Variants in SLC39A10 observed in about 807,000 individuals in gnomAD.
SLC39A10 encodes zinc transporter ZIP10.
SLC39A10 carries 13 observed loss-of-function variants against 65.1 expected under a neutral mutation model. The observed-to-expected ratio is 0.20, with a 90% confidence interval of 0.13 to 0.32. The LOEUF (loss-of-function observed/expected upper bound fraction) is 0.32, where lower values mean the gene tolerates loss of function less well. Among genes scored for constraint, SLC39A10 ranks in the 10% least tolerant of loss-of-function variants. The probability of loss-of-function intolerance (pLI) is 1.00; values close to 1 mark genes in which losing one functional copy is unlikely to be tolerated. For missense variants in SLC39A10, 831 were observed against 1,018.4 expected (o/e 0.82, Z 2.50); for synonymous variants, 321 against 342.2 (o/e 0.94, Z 0.68).
intron 1 of SLC39A10, among the ~76,000 whole-genome samples, chr2:195,677,576 T>C (rs1486097325): frequency 6.6e-6 from 1 of 152,144 alleles, no homozygotes; most frequent in African/African-American, 2.4e-5. Flanking sequence ...GTTTTATTCC[T>C]TTTTACCTTT....
chr2:195,618,649 A>T (rs1039497611), intron 2 of SLC39A10, among the ~76,000 whole-genome samples: 1 of 152,224 alleles, frequency 6.6e-6, no homozygotes, highest in African/African-American at 2.4e-5. Context: ...CACATTTGCT[A>T]TCCTGGTGTA....
chr2:195,695,523 CA>C (rs1690916847), intron 3 of SLC39A10, among the ~76,000 whole-genome samples: 1 of 152,198 alleles, frequency 6.6e-6, no homozygotes, highest in Non-Finnish European at 1.5e-5. Flanking sequence ...TGCCCGAGAT[CA>C]CCAGCCTCCC....
rs200542769 is a variant in SLC39A10, at chr2:195,640,354, A to C, written c.-12+34121A>C. On this transcript the variant is annotated intron_variant, in intron 2 of 2. Transcript: ENST00000458054. Reference sequence around the variant, plus strand: ...AAGCATTAAAAGAAAAAAAAAAAAAAAACCTTAAAAATCCCAGAGTGATCA... The same window carrying C: ...AAGCATTAAAAGAAAAAAAAAAAAACAACCTTAAAAATCCCAGAGTGATCA... Among the ~76,000 whole-genome samples, 148 of 151,640 alleles carry C rather than the reference A, an allele frequency of 9.8e-4. 3 individuals are homozygous for C. In the East Asian group the frequency reaches 0.024, roughly 25 times the overall value.
chr2:195,670,474 C>T (rs1274320149), intron 1 of SLC39A10: 2 of 152,164 alleles, frequency 1.3e-5, no homozygotes, highest in African/African-American at 2.4e-5. Flanking sequence ...TGCTGAAGCA[C>T]ACACCCTAAT....
chr2:195,632,387 C>T (rs188960192), intron 2 of SLC39A10, among the ~76,000 whole-genome samples: 147 of 143,914 alleles, frequency 1.0e-3, no homozygotes, highest in African/African-American at 3.4e-3. Flanking sequence ...GCAACCTCCT[C>T]GTCCCGGGTT....
intron 2 of SLC39A10, among the ~76,000 whole-genome samples, chr2:195,649,992 G>C (rs1688997015): frequency 6.6e-6 from 1 of 152,058 alleles, no homozygotes; most frequent in Admixed American, 6.6e-5. Context: ...AAAACCTAAG[G>C]AAAATATATT....
chr2:195,656,987 C>T (rs1346876738), upstream of SLC39A10: 1 of 152,272 alleles, frequency 6.6e-6, no homozygotes, highest in Non-Finnish European at 1.5e-5. Context: ...ATTTCCTATT[C>T]CTCGGACGAT....
intron 2 of SLC39A10, among the ~76,000 whole-genome samples, chr2:195,615,103 G>C (rs1688177307): frequency 6.6e-6 from 1 of 152,076 alleles, no homozygotes; most frequent in African/African-American, 2.4e-5. Context: ...TTCCCTCATA[G>C]AAGTACTAGA....
intron 3 of SLC39A10, 38 bp from the exon 4 acceptor site, chr2:195,706,578 T>C (rs1691403662): frequency 6.4e-7 from 1 of 1,574,144 alleles, no homozygotes; most frequent in Non-Finnish European, 8.7e-7. Context: ...TGGTTTAAAT[T>C]GTTATACTAA....
chr2:195,730,718 C>G (rs369073033), intron 9 of SLC39A10, among the ~76,000 whole-genome samples: 14 of 152,202 alleles, frequency 9.2e-5, no homozygotes, highest in African/African-American at 3.4e-4. Context: ...CCAGACTAAT[C>G]CAACTGTACT....
intron 2 of SLC39A10, among the ~76,000 whole-genome samples, chr2:195,622,710 C>T (rs140719894): frequency 0.037 from 5,561 of 152,154 alleles, 141 homozygotes; most frequent in Non-Finnish European, 0.057. Flanking sequence ...CGGTGGCTCA[C>T]GCCTATAATC....
rs547257794 is a variant in SLC39A10, at chr2:195,713,031, C to T, written c.1576-402C>T. On this transcript the variant is annotated intron_variant, in intron 5 of 9. Coordinates refer to ENST00000359634, the MANE Select transcript of SLC39A10 (RefSeq NM_020342.3). ...TCAAATTTGACTCTTCTTTACGTCACATTCAGGGAAATATAGATTGCATTA... is the reference window on the plus strand; with the variant it reads ...TCAAATTTGACTCTTCTTTACGTCATATTCAGGGAAATATAGATTGCATTA... Among the ~76,000 whole-genome samples the T allele has an allele frequency of 1.4e-3, 219 of 152,280 alleles. 1 individual carries two copies. The highest frequency in any genetic ancestry group is 2.5e-3 in the Non-Finnish European group (169 of 68,012).
At chr2:195,685,831 A>C (rs902712734) in intron 3 of SLC39A10, among the ~76,000 whole-genome samples, 1 of 152,198 alleles carries the variant, frequency 6.6e-6, no homozygotes, top group Admixed American at 6.5e-5. Flanking sequence ...TTAAGCTCTT[A>C]TGTTGATTGA....
At chr2:195,666,806 A>G (rs995394009) in intron 1 of SLC39A10, among the ~76,000 whole-genome samples, 1 of 152,218 alleles carries the variant, frequency 6.6e-6, no homozygotes, top group Non-Finnish European at 1.5e-5. Context: ...AACTAAAATC[A>G]TAAACATTTT....
chr2:195,696,991 A>T (rs1474658874), intron 3 of SLC39A10, among the ~76,000 whole-genome samples: 3 of 152,126 alleles, frequency 2.0e-5, no homozygotes. Flanking sequence ...ATTCATATTA[A>T]CTATTCATTA....
chr2:195,714,227 G>A (rs1323584401), intron 6 of SLC39A10, among the ~76,000 whole-genome samples: 1 of 152,098 alleles, frequency 6.6e-6, no homozygotes, highest in African/African-American at 2.4e-5. Flanking sequence ...CACCGCGCCC[G>A]GCCGACAAAT....
At chr2:195,684,394 T>G (rs1185576947) in intron 3 of SLC39A10, among the ~76,000 whole-genome samples, 1 of 152,130 alleles carries the variant, frequency 6.6e-6, no homozygotes, top group African/African-American at 2.4e-5. Flanking sequence ...TATGGGTATT[T>G]CTAGAGAGCT....
chr2:195,688,900 A>G (rs759008950), intron 3 of SLC39A10, among the ~76,000 whole-genome samples: 1 of 152,198 alleles, frequency 6.6e-6, no homozygotes, highest in Non-Finnish European at 1.5e-5. Context: ...GTCTGCCTCT[A>G]TCCTAATTAG....
At chr2:195,661,880 A>T (rs1426705855) in intron 1 of SLC39A10, among the ~76,000 whole-genome samples, 1 of 152,158 alleles carries the variant, frequency 6.6e-6, no homozygotes, top group African/African-American at 2.4e-5. Context: ...ATAACCTTTT[A>T]TAATCATGTT....
Sources: allele counts gnomAD v4.1 joint callset (sites outside exome capture counted in the v4.1 genomes callset), GRCh38; gene constraint gnomAD v4.1.1; transcripts MANE v1.5; gene names NCBI Gene and HGNC (gene_info 2026-07-23, HGNC 2026-07-21).